Variants in TRPM3 observed in about 807,000 individuals in gnomAD.
The protein encoded by TRPM3 is long transient receptor potential channel 3.
In TRPM3, 77 loss-of-function variants were observed where a neutral mutation model predicts 181.2. That is an observed-to-expected ratio of 0.42 (90% confidence interval 0.35 to 0.51). The LOEUF is 0.51. TRPM3 is among the 20% of genes least tolerant of loss of function. The pLI, the probability that TRPM3 is intolerant of heterozygous loss-of-function variation, is 0.01. For synonymous variants in TRPM3, 745 were observed against 796.4 expected (o/e 0.94, Z 1.09); for missense variants, 1,759 against 2,196.7 (o/e 0.80, Z 3.98).
intron 25 of TRPM3, 125 bp downstream of exon 25, chr9:70,549,417 T>G (rs1452408691): frequency 7.8e-7 from 1 of 1,280,896 alleles, no homozygotes; most frequent in South Asian, 1.6e-5. Flanking sequence ...ATAAGCTCCA[T>G]GATTTCTCAG....
At chr9:70,746,400 A>G (rs1355700300) in intron 8 of TRPM3, among the ~76,000 whole-genome samples, 2 of 152,090 alleles carry the variant, frequency 1.3e-5, no homozygotes, top group African/African-American at 2.4e-5. Context: ...TTGTCATTGG[A>G]TGCCAACATC....
chr9:70,860,749 T>C (rs968085924), intron 3 of TRPM3, among the ~76,000 whole-genome samples: 2 of 152,196 alleles, frequency 1.3e-5, no homozygotes, highest in African/African-American at 2.4e-5. Context: ...AAAATGTTTT[T>C]GCAATTTCTT....
At chr9:71,288,671 G>A (rs1373172021) in intron 1 of TRPM3, among the ~76,000 whole-genome samples, 1 of 152,104 alleles carries the variant, frequency 6.6e-6, no homozygotes, top group Non-Finnish European at 1.5e-5. Flanking sequence ...ATGACAAAGG[G>A]TGGACACAGA....
At chr9:71,259,738 GTTGT>G (rs770029530) in intron 1 of TRPM3, among the ~76,000 whole-genome samples, 5 of 152,072 alleles carry the variant, frequency 3.3e-5, no homozygotes, top group East Asian at 1.9e-4. Flanking sequence ...TTTTGATGGG[GTTGT>G]TTGTTTTTTG....
intron 1 of TRPM3, among the ~76,000 whole-genome samples, chr9:71,367,971 CAT>C (rs1386218383): frequency 1.4e-5 from 2 of 145,636 alleles, no homozygotes; most frequent in Non-Finnish European, 3.0e-5. Flanking sequence ...ATATATATAT[CAT>C]ATATATGCAC....
At chr9:70,828,065 C>T in intron 5 of TRPM3, 47 bp from the exon 6 acceptor site, 1 of 1,558,844 alleles carries the variant, frequency 6.4e-7, no homozygotes, top group Non-Finnish European at 8.8e-7. Context: ...AAAAAGAACA[C>T]AAGATATGAA....
upstream of TRPM3, among the ~76,000 whole-genome samples, chr9:71,125,832 T>C (rs2073998830): frequency 6.6e-6 from 1 of 152,114 alleles, no homozygotes; most frequent in Admixed American, 6.5e-5. Flanking sequence ...ATGACGAACA[T>C]GTCAAAAGCA....
At chr9:70,933,533 G>T (rs1472544246) in intron 1 of TRPM3, among the ~76,000 whole-genome samples, 1 of 152,152 alleles carries the variant, frequency 6.6e-6, no homozygotes, top group Non-Finnish European at 1.5e-5. Context: ...GGAGATTTAG[G>T]CAGAGAGCCA....
At chr9:70,968,064 T>C (rs1411489054) in intron 1 of TRPM3, among the ~76,000 whole-genome samples, 3 of 152,138 alleles carry the variant, frequency 2.0e-5, no homozygotes. Flanking sequence ...TCATATTTAC[T>C]CTTTATCCTT....
At chr9:70,660,622 C>T (rs2060991370) in intron 9 of TRPM3, among the ~76,000 whole-genome samples, 1 of 152,056 alleles carries the variant, frequency 6.6e-6, no homozygotes, top group Non-Finnish European at 1.5e-5. Context: ...TGAGACCTGT[C>T]TCAGATATTT....
At chr9:71,162,010 T>C (rs1458883957) in intron 1 of TRPM3, among the ~76,000 whole-genome samples, 1 of 151,812 alleles carries the variant, frequency 6.6e-6, no homozygotes, top group Non-Finnish European at 1.5e-5. Flanking sequence ...GAGACCAGCC[T>C]GGCCAACATG....
At chr9:71,031,955 AT>A (rs1565020609) in intron 1 of TRPM3, among the ~76,000 whole-genome samples, 3 of 6,412 alleles carry the variant, frequency 4.7e-4, no homozygotes, top group Non-Finnish European at 6.3e-4. Flanking sequence ...TAATATATAT[AT>A]AATTATATAT....
intron 1 of TRPM3, among the ~76,000 whole-genome samples, chr9:70,929,211 T>C (rs1355212253): frequency 6.6e-6 from 1 of 152,080 alleles, no homozygotes; most frequent in Admixed American, 6.6e-5. Flanking sequence ...TTTTTTCTTT[T>C]TCCTTTTTGA....
In TRPM3 at chr9:70,620,150, G is replaced by A. The variant is rs777363667; in HGVS notation, c.2055C>T (p.Cys685=). ...MAKALVACKL[C]KAMAHEASEN... ...CAGAGGCCTCATGAGCCATGGCTTT[G>A]CAGAGCTTGCAGGCCACCAGGGCCT... is the stretch of plus-strand genomic sequence containing the variant. The change falls in exon 16 of 26, where the codon TGC becomes TGT. Residue 685 remains cysteine, a synonymous_variant. Coordinates refer to ENST00000677713, the MANE Select transcript of TRPM3 (RefSeq NM_001366145.2). 1.9e-6 allele frequency: 3 copies of A among 1,614,080 alleles called. No individual in the cohort carries two copies.
At chr9:71,433,235 G>A (rs1352003514) in intron 1 of TRPM3, among the ~76,000 whole-genome samples, 2 of 152,212 alleles carry the variant, frequency 1.3e-5, no homozygotes, top group Non-Finnish European at 2.9e-5. Flanking sequence ...ATCTTGAATT[G>A]TAGTTCCCAT....
At chr9:71,394,430 A>G (rs1006145513) in intron 1 of TRPM3, among the ~76,000 whole-genome samples, 1 of 152,216 alleles carries the variant, frequency 6.6e-6, no homozygotes, top group South Asian at 2.1e-4. Context: ...AAGATAAAAC[A>G]TGTATTTGTT....
At chr9:70,608,779 G>T (rs12344260) in intron 19 of TRPM3, among the ~76,000 whole-genome samples, 8,433 of 152,182 alleles carry the variant, frequency 0.055, 284 homozygotes, top group African/African-American at 0.096. Context: ...GATGGAGGTT[G>T]CAGTGAGCCA....
chr9:70,986,463 C>CA (rs745420856), intron 1 of TRPM3, among the ~76,000 whole-genome samples: 1 of 152,060 alleles, frequency 6.6e-6, no homozygotes, highest in Non-Finnish European at 1.5e-5. Flanking sequence ...ATTTCAAGAA[C>CA]AAGTTTATAA....
At position 71,013,132 on chromosome 9, in the gene TRPM3, C is replaced by T. The variant is rs561653050; in HGVS notation, c.177+108046G>A. Among the ~76,000 whole-genome samples, 3 of 152,008 alleles carry T rather than the reference C, an allele frequency of 2.0e-5. No homozygotes were observed. The East Asian group carries it at 5.8e-4, about 29-fold the overall frequency. On this transcript the variant is annotated intron_variant, in intron 1 of 25. Transcript: ENST00000677713. ...ATATTAAGCAAGGATTCATTAATTC[C>T]TATTTTGTTGATTTTGGTTTTAAAT...
Sources: gnomAD v4.1 joint callset for allele counts (sites outside exome capture counted in the v4.1 genomes callset) on GRCh38, gnomAD v4.1.1 for gene constraint, MANE v1.5 for transcripts, NCBI Gene and HGNC (gene_info 2026-07-23, HGNC 2026-07-21) for gene names.